Variants in PACS1 observed in about 807,000 individuals in gnomAD.
PACS1 encodes PACS-1.
A neutral mutation model predicts 115.0 loss-of-function variants in PACS1; 24 were observed. The observed-to-expected ratio is 0.21, with a 90% CI of 0.15 to 0.29. The LOEUF (loss-of-function observed/expected upper bound fraction) is 0.29. Among genes scored for constraint, PACS1 ranks in the 10% least tolerant of loss-of-function variants. The pLI is 1.00. For missense variants in PACS1, 838 were observed against 1,251.2 expected (o/e 0.67, Z 4.98); for synonymous variants, 453 against 504.5 (o/e 0.90, Z 1.37).
intron 1 of PACS1, among the ~76,000 whole-genome samples, chr11:66,167,538 T>A (rs1346429308): frequency 6.7e-6 from 1 of 149,954 alleles, no homozygotes; most frequent in East Asian, 1.9e-4. Flanking sequence ...TGTCTCTTGA[T>A]GAATAGAAAT....
chr11:66,161,211 C>T (rs369972326), intron 1 of PACS1, among the ~76,000 whole-genome samples: 14 of 152,134 alleles, frequency 9.2e-5, no homozygotes, highest in African/African-American at 3.4e-4. Flanking sequence ...TGAGTGGTGC[C>T]GGCAGGCAAG....
intron 1 of PACS1, among the ~76,000 whole-genome samples, chr11:66,121,432 C>G (rs1188592066): frequency 1.3e-5 from 2 of 152,134 alleles, no homozygotes; most frequent in African/African-American, 4.8e-5. Flanking sequence ...GTGTCTCTCA[C>G]TTTAAATCAA....
intron 1 of PACS1, among the ~76,000 whole-genome samples, chr11:66,161,351 C>G (rs192931348): frequency 9.9e-5 from 15 of 152,082 alleles, no homozygotes; most frequent in Admixed American, 3.3e-4. Context: ...ACTCAGGAGG[C>G]TGAGGGAGTT....
chr11:66,094,583 C>A (rs1857735055), intron 1 of PACS1, among the ~76,000 whole-genome samples: 1 of 152,122 alleles, frequency 6.6e-6, no homozygotes, highest in South Asian at 2.1e-4. Context: ...GAGTCCAGTA[C>A]CAGATGGATT....
intron 1 of PACS1, among the ~76,000 whole-genome samples, chr11:66,081,876 CTT>C (rs1261071807): frequency 2.6e-5 from 4 of 152,040 alleles, no homozygotes; most frequent in Admixed American, 1.3e-4. Context: ...TTTCTCTTGT[CTT>C]TTTAAGTTTT....
At chr11:66,076,346 G>A (rs1857397177) in intron 1 of PACS1, among the ~76,000 whole-genome samples, 1 of 152,172 alleles carries the variant, frequency 6.6e-6, no homozygotes, top group Non-Finnish European at 1.5e-5. Context: ...CTCAGAAAAT[G>A]TTAGAGCTGC....
chr11:66,240,002 A>G (rs1590843563), intron 21 of PACS1, among the ~76,000 whole-genome samples: 1 of 152,200 alleles, frequency 6.6e-6, no homozygotes, highest in Non-Finnish European at 1.5e-5. Flanking sequence ...TGTTCTTTCT[A>G]GTGTCTTCCT....
intron 2 of PACS1, among the ~76,000 whole-genome samples, chr11:66,194,675 T>C (rs1037057441): frequency 1.3e-5 from 2 of 152,214 alleles, no homozygotes; most frequent in Non-Finnish European, 2.9e-5. Flanking sequence ...AAATAATGAC[T>C]GGAGTCTTCA....
chr11:66,129,131 A>G (rs545317263), intron 1 of PACS1, among the ~76,000 whole-genome samples: 1 of 152,090 alleles, frequency 6.6e-6, no homozygotes, highest in East Asian at 1.9e-4. Context: ...TTAAAAATTG[A>G]TTAAAGTTAG....
chr11:66,123,842 AC>A (rs928241278), intron 1 of PACS1, among the ~76,000 whole-genome samples: 1 of 148,898 alleles, frequency 6.7e-6, no homozygotes, highest in African/African-American at 2.5e-5. Flanking sequence ...TAAAGTATAT[AC>A]TTTTTTTTTT....
At chr11:66,241,292 G>A (rs998590866) in intron 21 of PACS1, 135 bp from the exon 22 acceptor site, 1 of 620,444 alleles carries the variant, frequency 1.6e-6, no homozygotes. Flanking sequence ...GCTGCTCTGT[G>A]TGGCTGGAGG....
intron 1 of PACS1, among the ~76,000 whole-genome samples, chr11:66,113,524 G>A (rs183355775): frequency 6.6e-6 from 1 of 152,212 alleles, no homozygotes; most frequent in Non-Finnish European, 1.5e-5. Context: ...CTTTTACAAC[G>A]TAACAAGCAA....
chr11:66,070,879 C>G lies in PACS1; in HGVS notation c.356+37C>G, dbSNP rs1259634354. ...AGGGTGCGGCGGGGCGCCGGGGGAG[C>G]GGGGTGGCCGCCGGGGCCCAGCCCT... On this transcript the variant is annotated intron_variant, in intron 1 of 23. Coordinates refer to ENST00000320580, the MANE Select transcript of PACS1 (RefSeq NM_018026.4). The surrounding 1 kb of genome is among the most constrained non-coding windows in gnomAD (Gnocchi z 5.9). 13 of 1,403,356 alleles carry G rather than the reference C, an allele frequency of 9.3e-6. No individual in the cohort carries two copies. The highest frequency in any genetic ancestry group is 5.1e-4 in the Middle Eastern group (2 of 3,900). 86.9% of individuals were successfully genotyped at this position (1,403,356 alleles called of 1,614,324 possible). A position where few individuals can be genotyped will look rare whatever the true frequency, so the allele number is the denominator to read the frequency against.
At chr11:66,227,647 C>A in intron 11 of PACS1, 63 bp downstream of exon 11, 1 of 1,038,416 alleles carries the variant, frequency 9.6e-7, no homozygotes, top group Non-Finnish European at 1.5e-6. Context: ...TTAGAAATAA[C>A]GGCAGAAGGA....
chr11:66,243,617 T>C lies in PACS1; in HGVS notation c.*337T>C, dbSNP rs1222991420. On this transcript the variant is annotated 3_prime_UTR_variant, in exon 24 of 24. Transcript: ENST00000320580. ...GACTTCCAAACTCTTCCTTGTGGTA[T>C]CAGTTTCCTTCTCGGAAATGAGAAA... 3 of 240,534 alleles carry C rather than the reference T, an allele frequency of 1.2e-5. No individual in the cohort carries two copies. Among genetic ancestry groups the C allele is most frequent in the African/African-American group, 2.2e-5 (1 of 44,862 alleles). 14.9% of individuals were successfully genotyped at this position (240,534 alleles called of 1,614,324 possible). A position where few individuals can be genotyped will look rare whatever the true frequency, so the allele number is the denominator to read the frequency against.
chr11:66,091,962 AAT>A (rs572821181), intron 1 of PACS1, among the ~76,000 whole-genome samples: 76 of 152,252 alleles, frequency 5.0e-4, no homozygotes, highest in Admixed American at 1.4e-3. Context: ...TGCTATTGTG[AAT>A]AGTGCTGCAA....
At chr11:66,078,226 CTT>C (rs1857427150) in intron 1 of PACS1, among the ~76,000 whole-genome samples, 3 of 152,286 alleles carry the variant, frequency 2.0e-5, no homozygotes, top group African/African-American at 7.2e-5. Flanking sequence ...GGCAAAAACA[CTT>C]TTTAGAACTG....
chr11:66,235,875 A>G lies in PACS1; in HGVS notation c.2208-23A>G. The G allele has an allele frequency of 6.2e-7, 1 of 1,607,998 alleles. No homozygotes were observed. The highest frequency in any genetic ancestry group is 2.2e-5 in the East Asian group (1 of 44,848). The stretch of plus-strand genomic sequence containing the variant: ...TCCCTGTCTCTCCTACTAACTATGA[A>G]GCTCTCCTGTGTCTCCCAACAGCCC... On this transcript the variant is annotated intron_variant, in intron 18 of 23. Transcript: ENST00000320580. This position sits in a 1 kb window ranked among gnomAD's most constrained non-coding sequence, Gnocchi z 5.6.
intron 2 of PACS1, among the ~76,000 whole-genome samples, chr11:66,193,803 G>T (rs925077888): frequency 1.3e-5 from 2 of 152,126 alleles, no homozygotes; most frequent in African/African-American, 2.4e-5. Context: ...GAACAGAAAT[G>T]GTTTTTCCTA....
Sources: allele counts gnomAD v4.1 joint callset (sites outside exome capture counted in the v4.1 genomes callset), GRCh38; gene constraint gnomAD v4.1.1; non-coding constraint Gnocchi (gnomAD v3.1); transcripts MANE v1.5; gene names NCBI Gene and HGNC (gene_info 2026-07-23, HGNC 2026-07-21).